GTPBP1: variants seen among roughly 807,000 people sequenced by gnomAD.
GTPBP1 encodes GTP-binding protein 1.
Under a neutral mutation model 62.0 loss-of-function variants are expected in GTPBP1, and 23 were observed. That is an observed-to-expected ratio of 0.37 (90% CI 0.27 to 0.53). The LOEUF (loss-of-function observed/expected upper bound fraction) is 0.53, where lower values mean the gene tolerates loss of function less well. Ranked by LOEUF, GTPBP1 falls within the 20% of genes least tolerant of loss-of-function variation. GTPBP1 has a pLI of 0.89. For missense variants in GTPBP1, 640 were observed against 917.3 expected, an observed-to-expected ratio of 0.70 and a Z score of 3.90; for synonymous variants, 344 against 364.4, an observed-to-expected ratio of 0.94 and a Z score of 0.64.
At chr22:38,742,009 G>A (rs148623613), downstream of GTPBP1, among the ~76,000 whole-genome samples, 27 of 152,158 alleles carry the variant, frequency 1.8e-4, no homozygotes, top group African/African-American at 6.0e-4. Context: ...ATGTGGTGGT[G>A]CACGCCTGTA....
In GTPBP1 at chr22:38,730,827, C is replaced by T. The variant is rs115207415; in HGVS notation, c.*123C>T. 1,961 of 581,456 alleles carry T rather than the reference C, an allele frequency of 3.4e-3. 38 individuals carry two copies. The African/African-American group carries it at 0.034, about 10-fold the overall frequency. 36.0% of individuals were successfully genotyped at this position (581,456 alleles called of 1,614,324 possible). ...CCGCTCAGGCCACAGCCGGAGCCTC[C>T]GCATTGCCCCCACCCCCATTTTCCA... On this transcript the variant is annotated 3_prime_UTR_variant, in exon 12 of 12. Coordinates refer to ENST00000216044, the MANE Select transcript of GTPBP1 (RefSeq NM_004286.5). The surrounding 1 kb of genome is among the most constrained non-coding windows in gnomAD (Gnocchi z 5.6).
chr22:38,713,495 A>G (rs1407197361), intron 2 of GTPBP1, among the ~76,000 whole-genome samples: 1 of 152,204 alleles, frequency 6.6e-6, no homozygotes, highest in Non-Finnish European at 1.5e-5. Flanking sequence ...ATTGGCAAAA[A>G]GGGCAGACAT....
At chr22:38,740,847 C>T, downstream of GTPBP1, 1 of 773,066 alleles carries the variant, frequency 1.3e-6, no homozygotes, top group African/African-American at 1.7e-5. This position sits in a 1 kb window ranked among gnomAD's most constrained non-coding sequence, Gnocchi z 4.8. Context: ...AAGACAGGCC[C>T]TGGGCAGGGG....
rs749310002 is a variant in GTPBP1 at position 38,730,808 on chromosome 22, A to G, written c.*104A>G. 1.6e-6 allele frequency: 1 copy of G among 638,276 alleles called. No individual in the cohort carries two copies. The highest frequency in any genetic ancestry group is 2.6e-6 in the Non-Finnish European group (1 of 378,484). The allele number at this position is 638,276 out of a possible 1,614,324, so 39.5% of individuals were successfully genotyped here. A position where few individuals can be genotyped will look rare whatever the true frequency, so the allele number is the denominator to read the frequency against. On this transcript the variant is annotated 3_prime_UTR_variant, in exon 12 of 12. Transcript: ENST00000216044. This position sits in a 1 kb window ranked among gnomAD's most constrained non-coding sequence, Gnocchi z 5.6. Reference sequence around the variant, plus strand: ...TGACCGCCACCCAGCCCTCCCGCTCAGGCCACAGCCGGAGCCTCCGCATTG... The same window carrying G: ...TGACCGCCACCCAGCCCTCCCGCTCGGGCCACAGCCGGAGCCTCCGCATTG...
chr22:38,739,470 G>A (rs776125269), downstream of GTPBP1: 15 of 1,600,368 alleles, frequency 9.4e-6, no homozygotes, highest in South Asian at 5.5e-5. This position sits in a 1 kb window ranked among gnomAD's most constrained non-coding sequence, Gnocchi z 6.7. Flanking sequence ...GGGAGCAGAC[G>A]TGTCCCCCTG....
At chr22:38,737,621 C>T (rs1378473447), downstream of GTPBP1, 9 of 310,468 alleles carry the variant, frequency 2.9e-5, 1 homozygote, top group Non-Finnish European at 5.7e-5. The surrounding 1 kb of genome is among the most constrained non-coding windows in gnomAD (Gnocchi z 4.1). Context: ...CCCACTATCC[C>T]GCCAACCCAA....
At chr22:38,729,352 GATCAAGGAA>G (rs1459163602) in intron 10 of GTPBP1, 101 bp from the exon 11 acceptor site, 2 of 780,622 alleles carry the variant, frequency 2.6e-6, no homozygotes, top group Admixed American at 3.3e-5. Context: ...GAACTGGCAA[GATCAAGGAA>G]TGAGGAGTCT....
At chr22:38,738,773 A>G (rs775442033), downstream of GTPBP1, 5 of 1,611,638 alleles carry the variant, frequency 3.1e-6, no homozygotes, top group Non-Finnish European at 4.2e-6. This position sits in a 1 kb window ranked among gnomAD's most constrained non-coding sequence, Gnocchi z 6.6. Context: ...GCAGAAAGTC[A>G]TGTCAGGACA....
At chr22:38,735,125 G>A (rs1174693411), downstream of GTPBP1, 2 of 405,526 alleles carry the variant, frequency 4.9e-6, no homozygotes, top group African/African-American at 4.2e-5. Context: ...ACATAATACA[G>A]TGGGGCCTGC....
downstream of GTPBP1, chr22:38,740,573 A>C: frequency 1.1e-6 from 1 of 905,852 alleles, no homozygotes; most frequent in African/African-American, 1.7e-5. This position sits in a 1 kb window ranked among gnomAD's most constrained non-coding sequence, Gnocchi z 4.8. Flanking sequence ...AGAAGGGGCA[A>C]GGCCTCTCCT....
downstream of GTPBP1, chr22:38,739,888 C>T (rs1175543236): frequency 5.6e-6 from 9 of 1,613,124 alleles, 1 homozygote; most frequent in African/African-American, 6.7e-5. The surrounding 1 kb of genome is among the most constrained non-coding windows in gnomAD (Gnocchi z 6.7). Flanking sequence ...CCCCACGCGG[C>T]CCCCTCCACC....
downstream of GTPBP1, among the ~76,000 whole-genome samples, chr22:38,741,850 A>T (rs536261505): frequency 2.0e-5 from 3 of 152,224 alleles, no homozygotes; most frequent in Non-Finnish European, 2.9e-5. Flanking sequence ...GGCTTAGAGA[A>T]GGTGAGGAGG....
chr22:38,735,358 G>A, downstream of GTPBP1: 1 of 399,618 alleles, frequency 2.5e-6, no homozygotes, highest in Non-Finnish European at 4.9e-6. Flanking sequence ...CCGATACCCT[G>A]AACGTCCCCA....
chr22:38,736,093 G>A (rs1402913631), downstream of GTPBP1: 8 of 693,258 alleles, frequency 1.2e-5, no homozygotes, highest in Middle Eastern at 2.4e-4. Flanking sequence ...CCTGCTAACC[G>A]CCTCGAGCCA....
At chr22:38,740,249 C>CT (rs749049569), downstream of GTPBP1, 3 of 1,548,670 alleles carry the variant, frequency 1.9e-6, no homozygotes, top group Non-Finnish European at 2.6e-6. The surrounding 1 kb of genome is among the most constrained non-coding windows in gnomAD (Gnocchi z 4.8). Flanking sequence ...CAGCAGGGCC[C>CT]TGGTGGTTCC....
rs1489574313 is a variant in GTPBP1, at chr22:38,726,212, C to T, written c.1219-46C>T. On this transcript the variant is annotated intron_variant, in intron 7 of 11. Transcript: ENST00000216044. This position sits in a 1 kb window ranked among gnomAD's most constrained non-coding sequence, Gnocchi z 4.1. ...CCTACAGTGGCATCAGGGGGTGGGT[C>T]TGTGCTGGGGATGCACTTATGAGGC... 6.2e-7 allele frequency: 1 copy of T among 1,610,256 alleles called. No homozygotes were observed. Among genetic ancestry groups the T allele is most frequent in the Non-Finnish European group, 8.5e-7 (1 of 1,177,064 alleles).
In GTPBP1 at chr22:38,724,417, G is replaced by A. The variant is rs550798470; in HGVS notation, c.1073+6G>A. 6.6e-6 allele frequency: 10 copies of A among 1,526,520 alleles called. No homozygotes were observed. Among genetic ancestry groups the A allele is most frequent in the African/African-American group, 4.1e-5 (3 of 73,186 alleles). The allele number at this position is 1,526,520 out of a possible 1,614,324, so 94.6% of individuals were successfully genotyped here. Reference sequence around the variant, plus strand: ...TCCAACTTCAGCTCTGAAAGGTAACGCGTGGGGAGCGCACACTTCAGACAG... The same window carrying A: ...TCCAACTTCAGCTCTGAAAGGTAACACGTGGGGAGCGCACACTTCAGACAG... On this transcript the variant is annotated splice_donor_region_variant and intron_variant, in intron 6 of 11. Coordinates refer to ENST00000216044, the MANE Select transcript of GTPBP1 (RefSeq NM_004286.5).
chr22:38,722,810 T>G, intron 5 of GTPBP1: 1 of 1,595,094 alleles, frequency 6.3e-7, no homozygotes, highest in East Asian at 2.2e-5. Flanking sequence ...GAGAATCCAG[T>G]GTCCAGTTTG....
chr22:38,733,613 T>C (rs1014993186), downstream of GTPBP1: 1 of 152,396 alleles, frequency 6.6e-6, no homozygotes, highest in African/African-American at 2.4e-5. Context: ...CTTCTGTGTG[T>C]GCAGCAGGTG....
Sources: gnomAD v4.1 joint callset for allele counts (sites outside exome capture counted in the v4.1 genomes callset) on GRCh38, gnomAD v4.1.1 for gene constraint, Gnocchi (gnomAD v3.1) non-coding constraint, MANE v1.5 for transcripts, NCBI Gene and HGNC (gene_info 2026-07-23, HGNC 2026-07-21) for gene names.